CASR: variants seen among roughly 807,000 people sequenced by gnomAD.
CASR encodes calcium sensing receptor, also known as extracellular calcium-sensing receptor.
In CASR, 23 loss-of-function variants were observed where a neutral mutation model predicts 69.1. The observed-to-expected ratio is 0.33, with a 90% CI of 0.24 to 0.47. The LOEUF (loss-of-function observed/expected upper bound fraction) is 0.47, where lower values mean the gene tolerates loss of function less well. CASR is among the 20% of genes least tolerant of loss of function. CASR has a pLI of 1.00. For synonymous variants in CASR, 541 were observed against 544.7 expected (o/e 0.99, Z 0.10); for missense variants, 924 against 1,356.1 (o/e 0.68, Z 5.00).
At chr3:122,255,006 G>A (rs970990311) in intron 2 of CASR, among the ~76,000 whole-genome samples, 4 of 141,572 alleles carry the variant, frequency 2.8e-5, no homozygotes, top group Middle Eastern at 3.7e-3. Flanking sequence ...TCTCTCAATA[G>A]ATTCTCTCTG....
rs760029976 is a variant in CASR at position 122,192,194 on chromosome 3, A to G, written c.-243+8382A>G. 5.7e-4 allele frequency among the ~76,000 whole-genome samples: 87 copies of G among 152,242 alleles called. 1 individual carries two copies. Among genetic ancestry groups the G allele is most frequent in the Non-Finnish European group, 1.0e-3 (68 of 68,032 alleles). ...GCAGCATAGGCTAGCAGCTAAAAGC[A>G]TGATTTTGAGTCTTACCACCTGGAT... On this transcript the variant is annotated intron_variant, in intron 1 of 6. Transcript: ENST00000639785.
Position 122,254,105 on chromosome 3 carries a change from G to C in CASR, c.-85G>C. 2.5e-6 allele frequency: 3 copies of C among 1,184,504 alleles called. No homozygotes were observed. In the South Asian group the frequency reaches 3.6e-5, roughly 14 times the overall value. 73.4% of individuals were successfully genotyped at this position (1,184,504 alleles called of 1,614,324 possible). The stretch of plus-strand genomic sequence containing the variant: ...TGTAGACATGTGTCCCCACTGCAGG[G>C]AGTGAACTGCTCCAAGGGAGAAACT... On this transcript the variant is annotated 5_prime_UTR_variant, in exon 2 of 7. Transcript: ENST00000639785.
intron 1 of CASR, among the ~76,000 whole-genome samples, chr3:122,186,863 C>A (rs1454641638): frequency 6.6e-6 from 1 of 152,182 alleles, no homozygotes; most frequent in Non-Finnish European, 1.5e-5. Flanking sequence ...GACTAACTGC[C>A]ATGTGACATT....
chr3:122,206,698 C>T (rs2107592069), intron 1 of CASR, among the ~76,000 whole-genome samples: 1 of 152,054 alleles, frequency 6.6e-6, no homozygotes, highest in Admixed American at 6.5e-5. Flanking sequence ...AGTGAAGCAT[C>T]AGGTCCTGGG....
intron 1 of CASR, among the ~76,000 whole-genome samples, chr3:122,231,742 A>AC (rs983823173): frequency 8.2e-6 from 1 of 122,264 alleles, no homozygotes; most frequent in Non-Finnish European, 1.7e-5. Flanking sequence ...GACACCCATT[A>AC]CCCCCCTCCC....
intron 1 of CASR, among the ~76,000 whole-genome samples, chr3:122,197,946 T>C (rs1260682148): frequency 6.6e-6 from 1 of 152,196 alleles, no homozygotes; most frequent in Non-Finnish European, 1.5e-5. Context: ...TTTAAGCCTT[T>C]GATTTGGGCC....
chr3:122,219,025 GGGAAATTAGGGTGGCC>G (rs1375541573), intron 1 of CASR, among the ~76,000 whole-genome samples: 1 of 152,162 alleles, frequency 6.6e-6, no homozygotes, highest in Admixed American at 6.5e-5. Context: ...AGGAATAGGT[GGGAAATTAGGGTGGCC>G]GGAAATAGTG....
intron 1 of CASR, among the ~76,000 whole-genome samples, chr3:122,252,004 G>T (rs2074488683): frequency 6.6e-6 from 1 of 152,168 alleles, no homozygotes; most frequent in Non-Finnish European, 1.5e-5. Context: ...GGTTAAAAAT[G>T]ATGGCAGGGC....
chr3:122,206,753 C>T (rs2074011177), intron 1 of CASR, among the ~76,000 whole-genome samples: 1 of 151,964 alleles, frequency 6.6e-6, no homozygotes, highest in Admixed American at 6.6e-5. Flanking sequence ...TATTTCATTA[C>T]TCAATATTGG....
chr3:122,218,426 C>T (rs1349151418), intron 1 of CASR, among the ~76,000 whole-genome samples: 3 of 149,866 alleles, frequency 2.0e-5, no homozygotes, highest in Non-Finnish European at 4.4e-5. Context: ...CCCAGCTACT[C>T]GGGAGGCTGA....
chr3:122,286,750 C>T lies in CASR; in HGVS notation c.*1559C>T, dbSNP rs1007473849. Reference sequence around the variant, plus strand: ...GTGTCAGGGCCTGGACCTCCAGCATCCAGGGAAGACCATCACCAGTCTAGC... The same window carrying T: ...GTGTCAGGGCCTGGACCTCCAGCATTCAGGGAAGACCATCACCAGTCTAGC... On this transcript the variant is annotated 3_prime_UTR_variant, in exon 7 of 7. Transcript: ENST00000639785. 2.0e-5 allele frequency: 3 copies of T among 152,212 alleles called. No homozygotes were observed. The highest frequency in any genetic ancestry group is 4.4e-5 in the Non-Finnish European group (3 of 68,054). The allele number at this position is 152,212 out of a possible 1,614,324, so 9.4% of individuals were successfully genotyped here.
At chr3:122,244,890 T>C (rs917864350) in intron 1 of CASR, among the ~76,000 whole-genome samples, 12 of 152,214 alleles carry the variant, frequency 7.9e-5, no homozygotes, top group Admixed American at 7.2e-4. Context: ...ACAGTATGAA[T>C]AGGTGGTAAA....
Position 122,269,970 on chromosome 3 carries a change from T to C in CASR, c.1378-5842T>C, listed in dbSNP as rs770146887. The stretch of plus-strand genomic sequence containing the variant: ...GATTCTTCTGCCTCAGCCTCCCGAG[T>C]AGCTGGGATTACAGGCATGCACCAC... On this transcript the variant is annotated intron_variant, in intron 4 of 6. Coordinates refer to ENST00000639785, the MANE Select transcript of CASR (RefSeq NM_000388.4). Among the ~76,000 whole-genome samples the C allele has an allele frequency of 6.8e-4, 103 of 152,184 alleles. No homozygotes were observed. In the Middle Eastern group the frequency reaches 0.01, roughly 15 times the overall value.
At position 122,200,994 on chromosome 3, in the gene CASR, C is replaced by CTTTTTTTTTTTTTTT. The variant is rs67815991; in HGVS notation, c.-243+17192_-243+17193insTTTTTTTTTTTTTTT. Among the ~76,000 whole-genome samples, 2 of 81,614 alleles carry CTTTTTTTTTTTTTTT rather than the reference C, an allele frequency of 2.5e-5. 1 individual carries two copies. The highest frequency in any genetic ancestry group is 2.9e-4 in the Admixed American group (2 of 6,864). The allele number at this position is 81,614 out of a possible 152,430, so 53.5% of individuals were successfully genotyped here. A position where few individuals can be genotyped will look rare whatever the true frequency, so the allele number is the denominator to read the frequency against. On this transcript the variant is annotated intron_variant, in intron 1 of 6. Coordinates refer to ENST00000639785, the MANE Select transcript of CASR (RefSeq NM_000388.4). ...TGAATATCTTTTGCCCATTGCTTTTCTTTTTTTTTTATTTTTTTTTTTTTT... is the reference window on the plus strand; with the variant it reads ...TGAATATCTTTTGCCCATTGCTTTTCTTTTTTTTTTTTTTTTTTTTTTTTTATTTTTTTTTTTTTT...
intron 1 of CASR, among the ~76,000 whole-genome samples, chr3:122,215,087 T>A (rs2074104302): frequency 1.1e-5 from 1 of 90,994 alleles, no homozygotes; most frequent in Non-Finnish European, 2.5e-5. Flanking sequence ...GCATCTTGAA[T>A]AACAGACGGA....
At chr3:122,199,154 C>G (rs896867957) in intron 1 of CASR, among the ~76,000 whole-genome samples, 9 of 152,164 alleles carry the variant, frequency 5.9e-5, no homozygotes, top group African/African-American at 2.2e-4. Context: ...ACATCTTTCC[C>G]CATACATAAA....
chr3:122,226,267 G>A (rs1467229954), intron 1 of CASR, among the ~76,000 whole-genome samples: 1 of 152,120 alleles, frequency 6.6e-6, no homozygotes, highest in African/African-American at 2.4e-5. Flanking sequence ...GCTGGCTCAG[G>A]AGTGAAGCTG....
At chr3:122,245,331 A>T (rs1282088949) in intron 1 of CASR, 1 of 152,228 alleles carries the variant, frequency 6.6e-6, no homozygotes, top group East Asian at 1.9e-4. Context: ...TGCAGAACCC[A>T]CATGTATGGA....
chr3:122,254,613 C>G (rs2074534843), intron 2 of CASR, among the ~76,000 whole-genome samples: 1 of 151,988 alleles, frequency 6.6e-6, no homozygotes, highest in Non-Finnish European at 1.5e-5. Context: ...GTTAAAGCAC[C>G]TGGTGGTCAT....
Sources: gnomAD v4.1 joint callset for allele counts (sites outside exome capture counted in the v4.1 genomes callset) on GRCh38, gnomAD v4.1.1 for gene constraint, MANE v1.5 for transcripts, NCBI Gene and HGNC (gene_info 2026-07-23, HGNC 2026-07-21) for gene names.